MRPL45: variants seen among roughly 807,000 people sequenced by gnomAD.
MRPL45 encodes the protein large ribosomal subunit protein mL45.
Under a neutral mutation model 38.1 loss-of-function variants are expected in MRPL45, and 20 were observed. The ratio of observed to expected loss-of-function variants is 0.53; its 90% CI spans 0.37 to 0.76. The LOEUF (loss-of-function observed/expected upper bound fraction) is 0.76. Ranked by LOEUF, MRPL45 falls within the 30% of genes least tolerant of loss-of-function variation. The pLI is 0.00. For synonymous variants in MRPL45, 105 were observed against 128.8 expected (o/e 0.82, Z 1.25); for missense variants, 337 against 395.6 (o/e 0.85, Z 1.26).
chr17:38,305,482 AAG>A (rs1323218803), intron 3 of MRPL45, among the ~76,000 whole-genome samples: 1 of 150,350 alleles, frequency 6.7e-6, no homozygotes, highest in Non-Finnish European at 1.5e-5. Context: ...AAAAAAAAAA[AAG>A]AAGCCCAGTG....
chr17:38,320,832 G>C (rs1285747301), intron 6 of MRPL45, 65 bp downstream of exon 6: 1 of 1,532,996 alleles, frequency 6.5e-7, no homozygotes, highest in African/African-American at 1.4e-5. Flanking sequence ...CCTCCCTCTG[G>C]AGTGCTGGGT....
intron 4 of MRPL45, among the ~76,000 whole-genome samples, chr17:38,310,645 A>G (rs2037103107): frequency 6.6e-6 from 1 of 151,884 alleles, no homozygotes; most frequent in African/African-American, 2.4e-5. Flanking sequence ...TTGGTTTTTG[A>G]GACAGGCTCT....
chr17:38,302,234 C>T (rs1321178128), intron 3 of MRPL45, among the ~76,000 whole-genome samples: 1 of 151,676 alleles, frequency 6.6e-6, no homozygotes, highest in Non-Finnish European at 1.5e-5. Flanking sequence ...ACTGTAATCC[C>T]AGCACTTTGG....
chr17:38,313,323 TATATATATA>T (rs2037138249), intron 4 of MRPL45, among the ~76,000 whole-genome samples: 10 of 22,484 alleles, frequency 4.4e-4, no homozygotes, highest in Non-Finnish European at 3.8e-4. Context: ...TATATATATA[TATATATATA>T]CATATATATA....
At chr17:38,313,297 T>TTA (rs1476178260) in intron 4 of MRPL45, among the ~76,000 whole-genome samples, 1 of 18,528 alleles carries the variant, frequency 5.4e-5, no homozygotes, top group Admixed American at 7.9e-4. Context: ...TCCTTTCTAT[T>TTA]AAAAAAAAAA....
chr17:38,297,240 G>T lies in MRPL45; in HGVS notation c.57G>T (p.Trp19Cys), dbSNP rs764869599. ...FSCLSRFLGW[W>C]SRQPVLVTQS... ...GTTTATCGAGGTTTTTGGGCTGGTG[G>T]TCTCGGCAGGTGGGTAGGGACGGGG... The change falls in exon 1 of 8, where the codon TGG (tryptophan) becomes TGT (cysteine). Residue 19 changes from tryptophan to cysteine, a missense_variant. Transcript: ENST00000613675. 1 of 1,614,230 alleles carries T rather than the reference G, an allele frequency of 6.2e-7. No homozygotes were observed. Among genetic ancestry groups the T allele is most frequent in the Non-Finnish European group, 8.5e-7 (1 of 1,180,030 alleles).
chr17:38,307,090 A>G (rs2058060851), intron 4 of MRPL45, among the ~76,000 whole-genome samples: 1 of 151,204 alleles, frequency 6.6e-6, no homozygotes, highest in Middle Eastern at 3.2e-3. Context: ...TGGGAGTGCA[A>G]TGGCGCAATC....
At position 38,322,800 on chromosome 17, in the gene MRPL45, C is replaced by A; in HGVS notation, c.*205C>A. 1.9e-6 allele frequency: 1 copy of A among 538,178 alleles called. No homozygotes were observed. The highest frequency in any genetic ancestry group is 3.3e-6 in the Non-Finnish European group (1 of 305,332). The allele number at this position is 538,178 out of a possible 1,614,324, so 33.3% of individuals were successfully genotyped here. A position where few individuals can be genotyped will look rare whatever the true frequency, so the allele number is the denominator to read the frequency against. ...GTATAACATGGCCATGGACACTCTT[C>A]TTTTTTAAATTTTATGTCTAGCTTC... On this transcript the variant is annotated 3_prime_UTR_variant, in exon 8 of 8. Transcript: ENST00000613675.
chr17:38,300,541 C>G (rs969645733), intron 3 of MRPL45, among the ~76,000 whole-genome samples: 19 of 152,276 alleles, frequency 1.2e-4, no homozygotes, highest in African/African-American at 4.6e-4. Context: ...CCATAGGCCA[C>G]TGTGCCCAGA....
intron 3 of MRPL45, among the ~76,000 whole-genome samples, chr17:38,301,391 C>T (rs1291336959): frequency 6.6e-6 from 1 of 152,260 alleles, no homozygotes; most frequent in East Asian, 1.9e-4. Flanking sequence ...CAGGCATGTG[C>T]CACCACGTCT....
chr17:38,297,893 T>G (rs975293397), intron 1 of MRPL45, among the ~76,000 whole-genome samples: 1 of 151,806 alleles, frequency 6.6e-6, no homozygotes, highest in East Asian at 1.9e-4. Flanking sequence ...AGCCCAGGAG[T>G]TCGAAATGAG....
chr17:38,297,999 C>T (rs906689922), intron 1 of MRPL45, among the ~76,000 whole-genome samples: 14 of 152,106 alleles, frequency 9.2e-5, no homozygotes, highest in South Asian at 2.1e-4. Context: ...TGGGAGGCTG[C>T]GGTGGGAGGA....
At chr17:38,303,235 T>C (rs1854245810) in intron 3 of MRPL45, among the ~76,000 whole-genome samples, 1 of 152,020 alleles carries the variant, frequency 6.6e-6, no homozygotes, top group Admixed American at 6.6e-5. Flanking sequence ...ATTTGCTCAT[T>C]TGCTTATGGA....
At chr17:38,300,806 C>T (rs1458222174) in intron 3 of MRPL45, among the ~76,000 whole-genome samples, 10 of 152,026 alleles carry the variant, frequency 6.6e-5, no homozygotes, top group African/African-American at 2.2e-4. Flanking sequence ...ATTAGCCGGG[C>T]GTGGTGGCAC....
intron 4 of MRPL45, among the ~76,000 whole-genome samples, chr17:38,313,825 G>A (rs1185177112): frequency 6.6e-6 from 1 of 151,504 alleles, no homozygotes; most frequent in Non-Finnish European, 1.5e-5. Context: ...ACCATGCCCA[G>A]CTAATTTTTG....
chr17:38,318,820 T>TTG (rs2037200158), intron 5 of MRPL45, 85 bp downstream of exon 5: 1 of 883,516 alleles, frequency 1.1e-6, no homozygotes, highest in African/African-American at 2.5e-5. Context: ...TTCTTTTCTT[T>TTG]TCTTTTCTTT....
intron 6 of MRPL45, among the ~76,000 whole-genome samples, chr17:38,321,018 C>T (rs1028508133): frequency 6.6e-6 from 1 of 152,106 alleles, no homozygotes; most frequent in East Asian, 1.9e-4. Context: ...ATTCTGTCAC[C>T]CAGGCTGGAG....
intron 4 of MRPL45, among the ~76,000 whole-genome samples, chr17:38,308,492 GTGCAGTGACGTGATCTTGGCTCAC>G (rs1257386344): frequency 6.5e-4 from 98 of 151,532 alleles, no homozygotes; most frequent in Non-Finnish European, 1.2e-3. Context: ...CCAGGCTGGA[GTGCAGTGACGTGATCTTGGCTCAC>G]TGCAACCTCT....
At chr17:38,320,573 A>G (rs749839522) in intron 5 of MRPL45, 45 bp from the exon 6 acceptor site, 1 of 1,602,620 alleles carries the variant, frequency 6.2e-7, no homozygotes, top group Non-Finnish European at 8.5e-7. Flanking sequence ...AGCTTCCTTA[A>G]AGGGAGGGAA....
Sources: allele counts gnomAD v4.1 joint callset (sites outside exome capture counted in the v4.1 genomes callset), GRCh38; gene constraint gnomAD v4.1.1; transcripts MANE v1.5; gene names NCBI Gene and HGNC (gene_info 2026-07-23, HGNC 2026-07-21).